The following TENM4 variants were observed in gnomAD, a reference collection of about 807,000 sequenced individuals.
TENM4 encodes the protein teneurin-4.
Under a neutral mutation model 243.3 loss-of-function variants are expected in TENM4, and 82 were observed. The ratio of observed to expected loss-of-function variants is 0.34; its 90% CI spans 0.28 to 0.40. TENM4 has a LOEUF of 0.40. TENM4 is among the 10% of genes least tolerant of loss of function. The pLI, the probability that TENM4 is intolerant of heterozygous loss-of-function variation, is 1.00. For synonymous variants in TENM4, 1,412 were observed against 1,456.3 expected (o/e 0.97, Z 0.69); for missense variants, 3,138 against 3,673.3 (o/e 0.85, Z 3.77).
chr11:79,440,881 GTT>G lies in TENM4; in HGVS notation c.-695_-694del, dbSNP rs1555070879. On this transcript the variant is annotated 5_prime_UTR_variant, in exon 1 of 34. Coordinates refer to ENST00000278550, the MANE Select transcript of TENM4 (RefSeq NM_001098816.3). This position sits in a 1 kb window ranked among gnomAD's most constrained non-coding sequence, Gnocchi z 4.7. ...TGTGAGTGTGTGTGTGTGTGTGTGT[GTT>G]TAATAGCTTCCCTTCTCTTCTTCCC... 4 of 152,834 alleles carry G rather than the reference GTT, an allele frequency of 2.6e-5. No individual in the cohort carries two copies. Among genetic ancestry groups the G allele is most frequent in the South Asian group, 2.1e-4 (1 of 4,806 alleles). The allele number at this position is 152,834 out of a possible 1,614,324, so 9.5% of individuals were successfully genotyped here.
chr11:79,053,046 C>T (rs1465201370), intron 6 of TENM4, among the ~76,000 whole-genome samples: 1 of 152,220 alleles, frequency 6.6e-6, no homozygotes, highest in Non-Finnish European at 1.5e-5. Context: ...TGCCTCAGCT[C>T]TGCTTTCTAG....
chr11:79,014,971 T>C (rs535341379), intron 6 of TENM4, among the ~76,000 whole-genome samples: 223 of 152,336 alleles, frequency 1.5e-3, no homozygotes, highest in African/African-American at 5.1e-3. Context: ...TCCTAAGAAT[T>C]TGGGAGCCCC....
chr11:78,915,083 G>T (rs191404422), intron 6 of TENM4, among the ~76,000 whole-genome samples: 1 of 152,302 alleles, frequency 6.6e-6, no homozygotes, highest in East Asian at 1.9e-4. Flanking sequence ...CCCATAGCTC[G>T]CCACCTCCCT....
At chr11:79,349,082 C>T (rs564287340) in intron 1 of TENM4, among the ~76,000 whole-genome samples, 61 of 152,240 alleles carry the variant, frequency 4.0e-4, no homozygotes, top group Non-Finnish European at 5.3e-4. Flanking sequence ...ACCAGGGTCC[C>T]GACTCCTGCT....
Position 78,805,277 on chromosome 11 carries a change from T to TGCCCCCCCCCCCCCCCCCCCCCCCCC in TENM4, c.2179+14_2179+15insGGGGGGGGGGGGGGGGGGGGGGGGGC. 2 of 1,402,550 alleles carry TGCCCCCCCCCCCCCCCCCCCCCCCCC rather than the reference T, an allele frequency of 1.4e-6. No homozygotes were observed. The highest frequency in any genetic ancestry group is 3.1e-5 in the East Asian group (1 of 32,218). 86.9% of individuals were successfully genotyped at this position (1,402,550 alleles called of 1,614,324 possible). On this transcript the variant is annotated intron_variant, in intron 15 of 33. Transcript: ENST00000278550. ...CCCCTCCCTCTACCCATGCTTCTTC[T>TGCCCCCCCCCCCCCCCCCCCCCCCCC]CCCCCTGCATTTACCGATAGAACAG...
intron 3 of TENM4, among the ~76,000 whole-genome samples, chr11:79,153,821 T>C (rs1031927826): frequency 2.6e-5 from 4 of 152,104 alleles, no homozygotes; most frequent in African/African-American, 4.8e-5. Context: ...CTCTGATTCT[T>C]CAACCAGCCC....
intron 1 of TENM4, among the ~76,000 whole-genome samples, chr11:79,384,495 G>A (rs1013428095): frequency 2.7e-5 from 4 of 150,584 alleles, no homozygotes; most frequent in South Asian, 2.1e-4. Context: ...TCTGAGATGC[G>A]GGGGGGTTGA....
intron 32 of TENM4, among the ~76,000 whole-genome samples, chr11:78,665,910 T>G (rs909690848): frequency 1.3e-5 from 2 of 152,214 alleles, no homozygotes; most frequent in African/African-American, 4.8e-5. Flanking sequence ...CCTAAGGGGT[T>G]GGCATGTGAC....
At chr11:79,250,410 T>A (rs549176341) in intron 2 of TENM4, among the ~76,000 whole-genome samples, 4 of 152,358 alleles carry the variant, frequency 2.6e-5, no homozygotes, top group African/African-American at 9.6e-5. Flanking sequence ...GTGGCAGAGC[T>A]AGAATTTGAA....
intron 3 of TENM4, among the ~76,000 whole-genome samples, chr11:79,203,793 A>G (rs1434255923): frequency 2.0e-5 from 3 of 152,240 alleles, no homozygotes; most frequent in African/African-American, 7.2e-5. Context: ...CTGTACTGTA[A>G]TAAAAGTTAT....
At chr11:79,114,633 T>C (rs138494910) in intron 4 of TENM4, among the ~76,000 whole-genome samples, 11 of 152,372 alleles carry the variant, frequency 7.2e-5, no homozygotes, top group Non-Finnish European at 1.6e-4. Context: ...CCATGCTTGG[T>C]TGAATGCTCT....
At chr11:78,887,522 G>T (rs1047268597) in intron 9 of TENM4, among the ~76,000 whole-genome samples, 3 of 152,204 alleles carry the variant, frequency 2.0e-5, no homozygotes, top group African/African-American at 7.2e-5. Flanking sequence ...CTCAAAGCAG[G>T]TATTCCATAT....
At chr11:78,699,398 C>G (rs1469684407) in intron 28 of TENM4, among the ~76,000 whole-genome samples, 1 of 152,200 alleles carries the variant, frequency 6.6e-6, no homozygotes, top group Non-Finnish European at 1.5e-5. Context: ...TATCTAATCT[C>G]TCTGTACTTC....
chr11:78,713,007 A>G (rs1466450939), intron 25 of TENM4, among the ~76,000 whole-genome samples: 1 of 152,224 alleles, frequency 6.6e-6, no homozygotes, highest in South Asian at 2.1e-4. Context: ...GCTCAGTGCC[A>G]TGTTTGTATC....
chr11:78,874,271 C>T (rs1859208001), intron 9 of TENM4, among the ~76,000 whole-genome samples: 2 of 152,094 alleles, frequency 1.3e-5, no homozygotes, highest in South Asian at 4.1e-4. Context: ...AATAGAAAAC[C>T]ATCTCCCAGG....
intron 6 of TENM4, among the ~76,000 whole-genome samples, chr11:78,983,527 C>T (rs1047095874): frequency 3.9e-5 from 6 of 152,338 alleles, no homozygotes; most frequent in African/African-American, 1.2e-4. Context: ...GACACAGATG[C>T]ATGGGTCATG....
chr11:78,854,316 T>C lies in TENM4; in HGVS notation c.1471-2A>G. ...ATCCAGCAGCTCCACAAAGTCAAAC[T>C]GAAAGACAGAGAAAGCACAGTTAGC... On this transcript the variant is annotated splice_acceptor_variant, in intron 11 of 33. Transcript: ENST00000278550. LOFTEE classifies it high-confidence loss of function. 6.7e-7 allele frequency: 1 copy of C among 1,497,934 alleles called. No individual in the cohort carries two copies. The allele number at this position is 1,497,934 out of a possible 1,614,324, so 92.8% of individuals were successfully genotyped here. A position where few individuals can be genotyped will look rare whatever the true frequency, so the allele number is the denominator to read the frequency against.
intron 2 of TENM4, among the ~76,000 whole-genome samples, chr11:79,285,819 C>T (rs1856240250): frequency 6.6e-6 from 1 of 151,054 alleles, no homozygotes; most frequent in African/African-American, 2.4e-5. Flanking sequence ...ATGTTCAGAA[C>T]AGGCAAGTCC....
At chr11:79,127,746 C>T (rs191139529) in intron 4 of TENM4, among the ~76,000 whole-genome samples, 3 of 152,304 alleles carry the variant, frequency 2.0e-5, no homozygotes, top group Admixed American at 2.0e-4. Context: ...AGGAAACATG[C>T]TGGACTTATT....
Sources: gnomAD v4.1 joint callset for allele counts (sites outside exome capture counted in the v4.1 genomes callset) on GRCh38, gnomAD v4.1.1 for gene constraint, Gnocchi (gnomAD v3.1) non-coding constraint, MANE v1.5 for transcripts, NCBI Gene and HGNC (gene_info 2026-07-23, HGNC 2026-07-21) for gene names.